GNS: variants seen among roughly 807,000 people sequenced by gnomAD.
GNS encodes the protein glucosamine (N-acetyl)-6-sulfatase, also known as N-acetylglucosamine-6-sulfatase.
Under a neutral mutation model 69.7 loss-of-function variants are expected in GNS, and 40 were observed. The ratio of observed to expected loss-of-function variants is 0.57; its 90% CI spans 0.45 to 0.75. GNS has a LOEUF of 0.75. GNS is among the 30% of genes least tolerant of loss of function. The pLI, the probability that GNS is intolerant of heterozygous loss-of-function variation, is 0.00. For synonymous variants in GNS, 243 were observed against 251.6 expected (o/e 0.97, Z 0.32); for missense variants, 565 against 685.5 (o/e 0.82, Z 1.96).
intron 13 of GNS, among the ~76,000 whole-genome samples, chr12:64,719,777 CAAG>C (rs1211288280): frequency 6.6e-6 from 1 of 152,094 alleles, no homozygotes; most frequent in Non-Finnish European, 1.5e-5. Context: ...ACGAAAATAA[CAAG>C]AGCCCCATGT....
intron 9 of GNS, among the ~76,000 whole-genome samples, chr12:64,730,294 G>A (rs982006164): frequency 2.0e-5 from 3 of 152,082 alleles, no homozygotes; most frequent in Non-Finnish European, 4.4e-5. Context: ...CTTACTGACA[G>A]GAAGTAACAG....
chr12:64,723,448 A>G (rs1869096172), intron 10 of GNS, among the ~76,000 whole-genome samples: 1 of 152,262 alleles, frequency 6.6e-6, no homozygotes, highest in African/African-American at 2.4e-5. Context: ...ACTAGAATAA[A>G]TAATACTGTC....
chr12:64,717,462 T>C (rs1868897128), intron 13 of GNS, among the ~76,000 whole-genome samples: 1 of 151,760 alleles, frequency 6.6e-6, no homozygotes, highest in Non-Finnish European at 1.5e-5. Context: ...GTGATTCTCC[T>C]GTCTTAAGCC....
At chr12:64,721,549 C>G in intron 12 of GNS, 46 bp downstream of exon 12, 1 of 902,266 alleles carries the variant, frequency 1.1e-6, no homozygotes, top group South Asian at 1.3e-5. Context: ...CAACAAAGCA[C>G]CAGCAAGAAA....
chr12:64,732,222 C>T (rs1380520358), intron 9 of GNS, among the ~76,000 whole-genome samples: 1 of 137,170 alleles, frequency 7.3e-6, no homozygotes, highest in Non-Finnish European at 1.5e-5. Flanking sequence ...GGCTGGAGTA[C>T]AGTAGCACGA....
intron 9 of GNS, among the ~76,000 whole-genome samples, chr12:64,735,887 C>A (rs1000500130): frequency 6.6e-6 from 1 of 152,166 alleles, no homozygotes; most frequent in African/African-American, 2.4e-5. Flanking sequence ...GGCCATTTTA[C>A]CCTTCCAAGA....
At chr12:64,746,616 G>C (rs926746219) in intron 3 of GNS, among the ~76,000 whole-genome samples, 2 of 152,152 alleles carry the variant, frequency 1.3e-5, no homozygotes, top group Admixed American at 6.6e-5. Flanking sequence ...AGAAACCACA[G>C]AATTATCCCA....
Position 64,726,332 on chromosome 12 carries a change from G to GA in GNS, c.1200+2623dup, listed in dbSNP as rs991993218. On this transcript the variant is annotated intron_variant, in intron 10 of 13. Coordinates refer to ENST00000258145, the MANE Select transcript of GNS (RefSeq NM_002076.4). ...AAAAAGACAACTGAGTATCTATAGA[G>GA]AAAAAAAAAAAGAAACTGAATCCCT... 9.7e-3 allele frequency among the ~76,000 whole-genome samples: 1,355 copies of GA among 139,594 alleles called. 20 individuals are homozygous for GA. Among genetic ancestry groups the GA allele is most frequent in the African/African-American group, 0.032 (1,229 of 38,290 alleles). The allele number at this position is 139,594 out of a possible 152,430, so 91.6% of individuals were successfully genotyped here.
intron 10 of GNS, among the ~76,000 whole-genome samples, chr12:64,728,090 G>T (rs562039553): frequency 1.4e-3 from 220 of 152,062 alleles, no homozygotes; most frequent in African/African-American, 5.0e-3. Flanking sequence ...TGCCCAGCTT[G>T]TTTTTTGTAT....
At position 64,759,065 on chromosome 12, in the gene GNS, G is replaced by A. The variant is rs1190924841; in HGVS notation, c.192+20C>T. On this transcript the variant is annotated intron_variant, in intron 1 of 13. Transcript: ENST00000258145. ...GTCAGCCCAAGAGATAGAGGGGCGG[G>A]GCAGAAACAGAAGAGTTACCATGCC... is the stretch of plus-strand genomic sequence containing the variant. 1.3e-6 allele frequency: 2 copies of A among 1,546,022 alleles called. No individual in the cohort carries two copies. The highest frequency in any genetic ancestry group is 1.2e-5 in the South Asian group (1 of 84,362).
At chr12:64,741,477 G>C (rs1869734561) in intron 6 of GNS, among the ~76,000 whole-genome samples, 1 of 151,816 alleles carries the variant, frequency 6.6e-6, no homozygotes, top group Admixed American at 6.6e-5. Context: ...GTAGAGATGG[G>C]GTTTCATCAT....
intron 2 of GNS, 24 bp from the exon 3 acceptor site, chr12:64,747,942 C>A: frequency 7.6e-7 from 1 of 1,310,002 alleles, no homozygotes; most frequent in South Asian, 1.2e-5. Flanking sequence ...GAAGCAAAAA[C>A]GACAAAGTCA....
Position 64,759,254 on chromosome 12 carries a change from G to T in GNS, c.23C>A (p.Pro8Gln). 6.5e-7 allele frequency: 1 copy of T among 1,537,602 alleles called. No homozygotes were observed. The highest frequency in any genetic ancestry group is 1.2e-5 in the South Asian group (1 of 82,926). ...GGGGCTGCCCCGCCGGAGCCGACCTGGGGCTAGAGGCAGGAGCCGCATAGC... is the reference window on the plus strand; with the variant it reads ...GGGGCTGCCCCGCCGGAGCCGACCTTGGGCTAGAGGCAGGAGCCGCATAGC... MRLLPLA[P>Q]GRLRRGSPRH... is the part of the protein sequence containing the mutation. Residue 8 changes from proline to glutamine, a missense_variant, in exon 1 of 14, where the codon CCA becomes CAA. Around this residue, in one of 2 missense-constraint regions of GNS, gnomAD observed 181 missense variants for 174.4 expected, o/e 1.04. Coordinates refer to ENST00000258145, the MANE Select transcript of GNS (RefSeq NM_002076.4).
chr12:64,727,701 C>T (rs777396753), intron 10 of GNS, among the ~76,000 whole-genome samples: 7 of 152,008 alleles, frequency 4.6e-5, no homozygotes, highest in Admixed American at 1.3e-4. Context: ...TCTATACAGA[C>T]GTAAAGAAGA....
Position 64,752,750 on chromosome 12 carries a change from A to T in GNS, c.200T>A (p.Leu67Gln). ...TCCGATGAGAGCTTTGGTTTTCTTT[A>T]GCGGTGTCTGTAAAAGTAAGTAATT... ...QDEVLGGMTP[L>Q]KKTKALIGEM... is the part of the protein sequence containing the mutation. Residue 67 changes from leucine to glutamine, a missense_variant, in exon 2 of 14, where the codon CTA becomes CAA. Transcript: ENST00000258145. 1 of 1,497,326 alleles carries T rather than the reference A, an allele frequency of 6.7e-7. No homozygotes were observed. Among genetic ancestry groups the T allele is most frequent in the Non-Finnish European group, 9.3e-7 (1 of 1,075,698 alleles). The allele number at this position is 1,497,326 out of a possible 1,614,324, so 92.8% of individuals were successfully genotyped here.
chr12:64,754,412 CAGA>C (rs1870180587), intron 1 of GNS, among the ~76,000 whole-genome samples: 1 of 152,076 alleles, frequency 6.6e-6, no homozygotes, highest in African/African-American at 2.4e-5. Flanking sequence ...TGCAAAAATT[CAGA>C]AGATGTTTCA....
chr12:64,739,339 A>T, intron 8 of GNS, 42 bp downstream of exon 8: 1 of 965,376 alleles, frequency 1.0e-6, no homozygotes, highest in Non-Finnish European at 1.7e-6. Context: ...AAGGAAAGAC[A>T]TATTCTCAAA....
At chr12:64,732,862 G>A (rs888938619) in intron 9 of GNS, among the ~76,000 whole-genome samples, 4 of 152,168 alleles carry the variant, frequency 2.6e-5, no homozygotes, top group Non-Finnish European at 5.9e-5. Context: ...GCCTCCCAAA[G>A]TGCTAGGATT....
intron 9 of GNS, among the ~76,000 whole-genome samples, chr12:64,734,861 G>T (rs1869513538): frequency 6.6e-6 from 1 of 152,172 alleles, no homozygotes; most frequent in Non-Finnish European, 1.5e-5. Flanking sequence ...CCAGCACTTT[G>T]GGAGGCCGAG....
Sources: allele counts gnomAD v4.1 joint callset (sites outside exome capture counted in the v4.1 genomes callset), GRCh38; gene constraint gnomAD v4.1.1; regional missense constraint gnomAD v4.1.1; transcripts MANE v1.5; gene names NCBI Gene and HGNC (gene_info 2026-07-23, HGNC 2026-07-21).